The following VRK2 variants were observed in gnomAD, a reference collection of about 807,000 sequenced individuals.
VRK2 encodes VRK serine/threonine kinase 2.
Under a neutral mutation model 57.6 loss-of-function variants are expected in VRK2, and 60 were observed. That is an observed-to-expected ratio of 1.04 (90% CI 0.85 to 1.29). The LOEUF (loss-of-function observed/expected upper bound fraction) is 1.29, where lower values mean the gene tolerates loss of function less well. VRK2 is among the 50% of genes most tolerant of loss of function. VRK2 has a pLI of 0.00. For synonymous variants in VRK2, 231 were observed against 199.2 expected (o/e 1.16, Z -1.35); for missense variants, 705 against 588.1 (o/e 1.20, Z -2.06).
At chr2:57,928,446 A>G (rs1484313061) in intron 1 of VRK2, among the ~76,000 whole-genome samples, 1 of 151,914 alleles carries the variant, frequency 6.6e-6, no homozygotes, top group Non-Finnish European at 1.5e-5. Context: ...TCTTTGTGTT[A>G]TCTTGAATTT....
chr2:58,137,113 TATC>T (rs1172060067), intron 10 of VRK2, among the ~76,000 whole-genome samples: 30 of 120,994 alleles, frequency 2.5e-4, no homozygotes, highest in Non-Finnish European at 3.4e-4. Flanking sequence ...ATATAACATA[TATC>T]ATATATGTGT....
chr2:57,955,004 TA>T (rs915956359), intron 1 of VRK2, among the ~76,000 whole-genome samples: 4 of 152,270 alleles, frequency 2.6e-5, no homozygotes, highest in Non-Finnish European at 4.4e-5. Context: ...GGTGGACTAT[TA>T]AAAAATGTTT....
chr2:58,117,579 G>T (rs1376749806), intron 7 of VRK2, among the ~76,000 whole-genome samples: 1 of 152,100 alleles, frequency 6.6e-6, no homozygotes, highest in East Asian at 1.9e-4. Context: ...GAGTTGCACT[G>T]GGCACAGAGA....
intron 1 of VRK2, among the ~76,000 whole-genome samples, chr2:57,936,533 T>TG (rs1219243265): frequency 3.5e-5 from 5 of 144,202 alleles, no homozygotes; most frequent in African/African-American, 1.4e-4. Context: ...GTTTTTTTGT[T>TG]TTTTTTTTTT....
At chr2:57,968,472 A>T (rs983327585) in intron 1 of VRK2, among the ~76,000 whole-genome samples, 5 of 152,046 alleles carry the variant, frequency 3.3e-5, no homozygotes, top group Non-Finnish European at 7.4e-5. Flanking sequence ...GGCTAGACTC[A>T]TATCAGAGGA....
intron 7 of VRK2, among the ~76,000 whole-genome samples, chr2:58,096,817 G>C (rs934546994): frequency 2.0e-5 from 3 of 151,050 alleles, no homozygotes; most frequent in Non-Finnish European, 4.4e-5. Flanking sequence ...AGAGTTTAAG[G>C]CTATGAATTT....
intron 7 of VRK2, among the ~76,000 whole-genome samples, chr2:58,113,957 G>A (rs1676009746): frequency 6.6e-6 from 1 of 152,098 alleles, no homozygotes; most frequent in Admixed American, 6.5e-5. Flanking sequence ...GAGAGAATGG[G>A]CGATGTTTCT....
chr2:58,041,153 A>G, intron 3 of VRK2: 3 of 805,210 alleles, frequency 3.7e-6, no homozygotes, highest in Non-Finnish European at 4.5e-6. Context: ...TGGACAGGGT[A>G]AGAATCATAC....
intron 1 of VRK2, among the ~76,000 whole-genome samples, chr2:57,913,038 C>T (rs980464581): frequency 6.6e-6 from 1 of 152,174 alleles, no homozygotes; most frequent in Non-Finnish European, 1.5e-5. Flanking sequence ...TCTGCTGGAA[C>T]CTGCATCTGA....
intron 2 of VRK2, among the ~76,000 whole-genome samples, chr2:58,053,934 A>C (rs1558571556): frequency 6.6e-6 from 1 of 152,200 alleles, no homozygotes. Context: ...ATTAGTCTCC[A>C]GAAGGTATAA....
intron 1 of VRK2, among the ~76,000 whole-genome samples, chr2:58,010,624 T>G (rs1673391019): frequency 6.6e-6 from 1 of 151,980 alleles, no homozygotes; most frequent in Non-Finnish European, 1.5e-5. Flanking sequence ...ATGCAGGGAG[T>G]TTCCTATCTC....
intron 12 of VRK2, among the ~76,000 whole-genome samples, chr2:58,153,564 C>T (rs779352847): frequency 6.6e-6 from 1 of 151,938 alleles, no homozygotes; most frequent in African/African-American, 2.4e-5. Flanking sequence ...GAATCAACCC[C>T]ACTTCGTCAT....
At chr2:57,919,631 GTCTGTATCCAGAA>G (rs1670272405) in intron 1 of VRK2, among the ~76,000 whole-genome samples, 2 of 152,090 alleles carry the variant, frequency 1.3e-5, no homozygotes, top group African/African-American at 4.8e-5. Context: ...ACATACAAAT[GTCTGTATCCAGAA>G]ATTTTGAAGG....
At chr2:58,021,256 T>TC (rs1403817973) in intron 1 of VRK2, among the ~76,000 whole-genome samples, 4 of 152,092 alleles carry the variant, frequency 2.6e-5, no homozygotes. Context: ...GATTTTTTTT[T>TC]CCCTCCTTTC....
At chr2:57,981,930 T>C (rs760170836) in intron 1 of VRK2, among the ~76,000 whole-genome samples, 18 of 152,210 alleles carry the variant, frequency 1.2e-4, no homozygotes, top group Non-Finnish European at 1.9e-4. Context: ...GGGGAACTAG[T>C]GCAGTCATTT....
intron 12 of VRK2, among the ~76,000 whole-genome samples, chr2:58,152,610 C>G (rs1239326510): frequency 6.6e-6 from 1 of 151,872 alleles, no homozygotes; most frequent in East Asian, 1.9e-4. Flanking sequence ...GAACAAATTC[C>G]TTTAACATTT....
intron 7 of VRK2, among the ~76,000 whole-genome samples, chr2:58,091,716 A>T (rs1672402426): frequency 6.6e-6 from 1 of 152,086 alleles, no homozygotes; most frequent in East Asian, 1.9e-4. Context: ...TAAGAAAAAC[A>T]CTAAATACCT....
At chr2:58,024,184 C>G (rs975539065) in intron 1 of VRK2, among the ~76,000 whole-genome samples, 3 of 151,980 alleles carry the variant, frequency 2.0e-5, no homozygotes, top group Non-Finnish European at 4.4e-5. Context: ...ATATTTTTGA[C>G]TCCCAGGAAA....
intron 1 of VRK2, among the ~76,000 whole-genome samples, chr2:57,959,235 A>C (rs1265471798): frequency 6.6e-6 from 1 of 152,198 alleles, no homozygotes; most frequent in East Asian, 1.9e-4. Flanking sequence ...GGCAATTTTC[A>C]TAGTTTAAAG....
Sources: gnomAD v4.1 joint callset for allele counts (sites outside exome capture counted in the v4.1 genomes callset) on GRCh38, gnomAD v4.1.1 for gene constraint, MANE v1.5 for transcripts, NCBI Gene and HGNC (gene_info 2026-07-23, HGNC 2026-07-21) for gene names.